Variants in SERINC1 observed in about 807,000 individuals in gnomAD.
SERINC1 encodes the protein serine incorporator 1.
SERINC1 carries 38 observed loss-of-function variants against 52.9 expected under a neutral mutation model. The observed-to-expected ratio is 0.72, with a 90% CI of 0.55 to 0.94. SERINC1 has a LOEUF of 0.94. SERINC1 is among the 40% of genes least tolerant of loss of function. The pLI is 0.00. For missense variants in SERINC1, 471 were observed against 533.9 expected (o/e 0.88, Z 1.16); for synonymous variants, 198 against 183.1 (o/e 1.08, Z -0.66).
chr6:122,454,443 A>G (rs1774962644), intron 3 of SERINC1: 2 of 482,292 alleles, frequency 4.1e-6, no homozygotes, highest in Non-Finnish European at 7.4e-6. Context: ...AGAGAGAGTG[A>G]AATTAACCAT....
At position 122,445,112 on chromosome 6, in the gene SERINC1, T is replaced by C; in HGVS notation, c.1294A>G (p.Ile432Val). ...AVWVKISSSW[I>V]GIVLYVWTLV... The stretch of plus-strand genomic sequence containing the variant: ...GTCCAAACATACAGCACGATGCCAA[T>C]CCAACTGGAAGAGATTTTCACCCAG... Residue 432 changes from isoleucine (I) to valine (V), a missense_variant, in exon 10 of 10, where the codon ATT becomes GTT. Ile to Val is a conservative substitution (Grantham distance 29). Transcript: ENST00000339697. 1 of 1,614,044 alleles carries C rather than the reference T, an allele frequency of 6.2e-7. No individual in the cohort carries two copies. The highest frequency in any genetic ancestry group is 1.3e-5 in the African/African-American group (1 of 75,030).
rs375084479 is a variant in SERINC1 at position 122,454,206 on chromosome 6, T to C, written c.396A>G (p.Ala132=). The C allele has an allele frequency of 3.3e-5, 53 of 1,585,154 alleles. No individual in the cohort carries two copies. The highest frequency in any genetic ancestry group is 4.4e-5 in the Non-Finnish European group (51 of 1,165,412). The change falls in exon 4 of 10, where the codon GCA becomes GCG. Residue 132 remains alanine (A), a synonymous_variant. Coordinates refer to ENST00000339697, the MANE Select transcript of SERINC1 (RefSeq NM_020755.4). The part of the protein sequence containing the change: ...HNGFWFFKFA[A]AIAIIIGAFF... ...ATGCCCCAATAATAATTGCAATTGC[T>C]GCAGCAAATTTAAAGAACCAAAATC... is the stretch of plus-strand genomic sequence containing the variant.
At chr6:122,459,843 C>G (rs115530820) in intron 1 of SERINC1, among the ~76,000 whole-genome samples, 1,791 of 152,164 alleles carry the variant, frequency 0.012, 38 homozygotes, top group African/African-American at 0.042. Context: ...TAACTAGTAA[C>G]TATCAAGAAA....
chr6:122,452,403 T>C (rs763317248), intron 5 of SERINC1, among the ~76,000 whole-genome samples: 3 of 152,118 alleles, frequency 2.0e-5, no homozygotes, highest in Non-Finnish European at 4.4e-5. Context: ...AAGAGGAATA[T>C]TACTTAAGGT....
At chr6:122,446,431 CAA>C (rs918031681) in intron 9 of SERINC1, among the ~76,000 whole-genome samples, 10 of 149,050 alleles carry the variant, frequency 6.7e-5, no homozygotes, top group Admixed American at 6.0e-4. Context: ...ACAGTTCAAA[CAA>C]AAGAGAAAAA....
chr6:122,471,358 C>T (rs1775293059), intron 1 of SERINC1, among the ~76,000 whole-genome samples: 1 of 151,308 alleles, frequency 6.6e-6, no homozygotes, highest in South Asian at 2.1e-4. Context: ...AGATGGCCTG[C>T]GCAGATACAA....
chr6:122,470,049 A>T (rs991356270), intron 1 of SERINC1, among the ~76,000 whole-genome samples: 7 of 152,224 alleles, frequency 4.6e-5, no homozygotes, highest in African/African-American at 1.7e-4. Context: ...CTGAAACTGC[A>T]AACAATAAAA....
chr6:122,471,618 G>A, intron 1 of SERINC1, 81 bp downstream of exon 1: 4 of 1,576,402 alleles, frequency 2.5e-6, no homozygotes, highest in Admixed American at 1.7e-5. Context: ...CATTCCCGCC[G>A]GGCTCACCCA....
chr6:122,458,780 G>GA (rs1459428096), intron 1 of SERINC1, 99 bp from the exon 2 acceptor site: 3 of 856,406 alleles, frequency 3.5e-6, no homozygotes, highest in Non-Finnish European at 5.3e-6. Flanking sequence ...TGTTAAAAAA[G>GA]AAAAAAGACT....
intron 1 of SERINC1, among the ~76,000 whole-genome samples, chr6:122,466,245 G>A (rs1000898298): frequency 6.6e-6 from 1 of 152,182 alleles, no homozygotes; most frequent in Non-Finnish European, 1.5e-5. Flanking sequence ...AAGACTAGGT[G>A]AAACAGAGAA....
intron 2 of SERINC1, among the ~76,000 whole-genome samples, chr6:122,457,373 T>G (rs1775016450): frequency 6.6e-6 from 1 of 152,204 alleles, no homozygotes; most frequent in South Asian, 2.1e-4. Flanking sequence ...GTTTCAACAT[T>G]CAATTTCTAT....
chr6:122,447,371 A>G (rs1411299955), intron 7 of SERINC1, 106 bp from the exon 8 acceptor site: 18 of 801,662 alleles, frequency 2.2e-5, no homozygotes, highest in Non-Finnish European at 3.3e-5. Context: ...ATTGAGAAAC[A>G]ATTGCTGGAA....
In SERINC1 at chr6:122,458,630, T is replaced by G; in HGVS notation, c.91A>C (p.Ser31Arg). Residue 31 changes from serine (S) to arginine (R), a missense_variant, in exon 2 of 10, where the codon AGT becomes CGT. Physicochemically the swap from Ser to Arg is moderately radical, Grantham distance 110. Coordinates refer to ENST00000339697, the MANE Select transcript of SERINC1 (RefSeq NM_020755.4). The stretch of plus-strand genomic sequence containing the variant: ...CTAGTTACAGTGGAGTTGTTTCCAC[T>G]AGGACAGCATCGGCATAGCAAACAC... ...APCLLCRCCP[S>R]GNNSTVTRLI... is the part of the protein sequence containing the mutation. 1 of 1,611,798 alleles carries G rather than the reference T, an allele frequency of 6.2e-7. No homozygotes were observed. Among genetic ancestry groups the G allele is most frequent in the Non-Finnish European group, 8.5e-7 (1 of 1,178,394 alleles).
rs750920534 is a variant in SERINC1, at chr6:122,451,758, C to CAAAAAAAAAAAAAA, written c.760-18_760-5dup. On this transcript the variant is annotated splice_region_variant and splice_polypyrimidine_tract_variant and intron_variant, in intron 6 of 9. Coordinates refer to ENST00000339697, the MANE Select transcript of SERINC1 (RefSeq NM_020755.4). Reference sequence around the variant, plus strand: ...AACCAGATCTTGGTTGTGATTCCTACAAAAAAAAAAAAAAAAAAATATATA... The same window carrying CAAAAAAAAAAAAAA: ...AACCAGATCTTGGTTGTGATTCCTACAAAAAAAAAAAAAAAAAAAAAAAAAAAAAAAAATATATA... The CAAAAAAAAAAAAAA allele has an allele frequency of 2.0e-4, 18 of 88,606 alleles. No individual in the cohort carries two copies. The highest frequency in any genetic ancestry group is 2.6e-4 in the Non-Finnish European group (16 of 60,678). 5.5% of individuals were successfully genotyped at this position (88,606 alleles called of 1,614,324 possible).
At chr6:122,446,750 A>G in intron 9 of SERINC1, 24 bp downstream of exon 9, 1 of 1,479,274 alleles carries the variant, frequency 6.8e-7, no homozygotes, top group Non-Finnish European at 9.4e-7. Context: ...TCACACATCC[A>G]GAGTTTTCAT....
chr6:122,444,862 A>G lies in SERINC1; in HGVS notation c.*182T>C, dbSNP rs2114471297. 1 of 597,092 alleles carries G rather than the reference A, an allele frequency of 1.7e-6. No homozygotes were observed. Among genetic ancestry groups the G allele is most frequent in the East Asian group, 2.9e-5 (1 of 34,132 alleles). The allele number at this position is 597,092 out of a possible 1,614,324, so 37.0% of individuals were successfully genotyped here. Reference sequence around the variant, plus strand: ...AAAACTTTCCTCTGCAATTCATTCTACTTCACATATCAATGCACTTGGTAA... The same window carrying G: ...AAAACTTTCCTCTGCAATTCATTCTGCTTCACATATCAATGCACTTGGTAA... On this transcript the variant is annotated 3_prime_UTR_variant, in exon 10 of 10. Transcript: ENST00000339697.
intron 1 of SERINC1, among the ~76,000 whole-genome samples, chr6:122,459,738 G>A (rs1049657578): frequency 3.3e-5 from 5 of 151,956 alleles, no homozygotes; most frequent in Non-Finnish European, 7.4e-5. Context: ...AATATTTTTT[G>A]TTAAAAAAGG....
rs143077807 is a variant in SERINC1, at chr6:122,447,201, C to G, written c.915G>C (p.Lys305Asn). The change falls in exon 8 of 10, where the codon AAG becomes AAC. Residue 305 changes from lysine to asparagine, a missense_variant. By Grantham distance (94) the Lys-to-Asn change is moderately conservative (BLOSUM62 0). Coordinates refer to ENST00000339697, the MANE Select transcript of SERINC1 (RefSeq NM_020755.4). ...GCCACCACTGGACTGACTGCCCTTC[C>G]TTTGGGACAGTGCTTGTTGTATTGT... ...IGYNTTSTVP[K>N]EGQSVQWWHA... 1.1e-4 allele frequency: 170 copies of G among 1,612,460 alleles called. No individual in the cohort carries two copies. Among genetic ancestry groups the G allele is most frequent in the Non-Finnish European group, 1.4e-4 (164 of 1,178,634 alleles).
intron 1 of SERINC1, among the ~76,000 whole-genome samples, chr6:122,466,161 T>G (rs1413356681): frequency 6.6e-6 from 1 of 152,094 alleles, no homozygotes; most frequent in Admixed American, 6.5e-5. Flanking sequence ...GGAGGCGGAA[T>G]TGCTCGAACT....
Sources: gnomAD v4.1 joint callset for allele counts (sites outside exome capture counted in the v4.1 genomes callset) on GRCh38, gnomAD v4.1.1 for gene constraint, MANE v1.5 for transcripts, NCBI Gene and HGNC (gene_info 2026-07-23, HGNC 2026-07-21) for gene names.